The following PNPLA8 variants were observed in gnomAD, a reference collection of about 807,000 sequenced individuals.
The protein encoded by PNPLA8 is calcium-independent phospholipase A2-gamma.
Under a neutral mutation model 76.9 loss-of-function variants are expected in PNPLA8, and 39 were observed. The observed-to-expected ratio is 0.51, with a 90% CI of 0.39 to 0.66. The LOEUF is 0.66. Ranked by LOEUF, PNPLA8 falls within the 30% of genes least tolerant of loss-of-function variation. The pLI is 0.00. For missense variants in PNPLA8, 887 were observed against 918.0 expected (o/e 0.97, Z 0.44); for synonymous variants, 301 against 307.9 (o/e 0.98, Z 0.24).
chr7:108,500,458 T>C (rs1167539758), intron 5 of PNPLA8, among the ~76,000 whole-genome samples: 3 of 152,218 alleles, frequency 2.0e-5, no homozygotes, highest in Non-Finnish European at 4.4e-5. Context: ...CGAGCACTTC[T>C]GTATGGATAT....
chr7:108,511,465 A>C (rs1200220104), intron 4 of PNPLA8, among the ~76,000 whole-genome samples: 1 of 152,184 alleles, frequency 6.6e-6, no homozygotes, highest in Non-Finnish European at 1.5e-5. Context: ...TGTTTAACTC[A>C]ATCAAGCCAT....
At chr7:108,498,485 G>C (rs1441581339) in intron 5 of PNPLA8, among the ~76,000 whole-genome samples, 1 of 150,948 alleles carries the variant, frequency 6.6e-6, no homozygotes, top group Admixed American at 6.6e-5. Flanking sequence ...ATGTTAGCCA[G>C]GATGGTCTCG....
rs754777953 is a variant in PNPLA8, at chr7:108,514,614, C to G, written c.878G>C (p.Arg293Pro). ...TAAAGCTTGTACACCTTCCGTGGGA[C>G]GAGAAAGAAAGTTAGCAATACTTTG... ...TKQSIANFLS[R>P]PTEGVQALVG... Residue 293 changes from arginine (R) to proline (P), a missense_variant, in exon 3 of 11, where the codon CGT (arginine) becomes CCT (proline). Physicochemically the swap from Arg to Pro is moderately radical, Grantham distance 103 (BLOSUM62 -2). Transcript: ENST00000257694. 9 of 1,613,780 alleles carry G rather than the reference C, an allele frequency of 5.6e-6. No individual in the cohort carries two copies. The highest frequency in any genetic ancestry group is 5.9e-6 in the Non-Finnish European group (7 of 1,179,914).
At chr7:108,494,539 GA>G (rs1487911197) in intron 7 of PNPLA8, among the ~76,000 whole-genome samples, 7 of 152,294 alleles carry the variant, frequency 4.6e-5, no homozygotes, top group African/African-American at 1.2e-4. Flanking sequence ...CAAAGGACAT[GA>G]TTTTTTTTTA....
intron 4 of PNPLA8, among the ~76,000 whole-genome samples, chr7:108,504,034 G>T (rs779772848): frequency 8.5e-5 from 13 of 152,140 alleles, no homozygotes; most frequent in Non-Finnish European, 1.3e-4. Flanking sequence ...TGAGATGGTG[G>T]TTAAGTGAAC....
In PNPLA8 at chr7:108,502,485, C is replaced by T. The variant is rs748423059; in HGVS notation, c.1358+6G>A. The stretch of plus-strand genomic sequence containing the variant: ...AAAAAAAAAAGAATCATGTTCCTAG[C>T]CTTACCTTGTTCCTCCACCATCAAT... On this transcript the variant is annotated splice_donor_region_variant and intron_variant, in intron 5 of 10. Coordinates refer to ENST00000257694, the MANE Select transcript of PNPLA8 (RefSeq NM_001256007.3). 2 of 1,372,896 alleles carry T rather than the reference C, an allele frequency of 1.5e-6. No homozygotes were observed. The highest frequency in any genetic ancestry group is 1.2e-5 in the South Asian group (1 of 84,256). The allele number at this position is 1,372,896 out of a possible 1,614,324, so 85.0% of individuals were successfully genotyped here. A position where few individuals can be genotyped will look rare whatever the true frequency, so the allele number is the denominator to read the frequency against.
intron 2 of PNPLA8, among the ~76,000 whole-genome samples, chr7:108,516,481 C>T (rs1863351775): frequency 6.6e-6 from 1 of 152,116 alleles, no homozygotes; most frequent in Non-Finnish European, 1.5e-5. Context: ...ATGTAAAATG[C>T]AAATGTATAA....
At chr7:108,510,529 C>A in intron 4 of PNPLA8, 4 of 1,369,278 alleles carry the variant, frequency 2.9e-6, no homozygotes, top group South Asian at 2.3e-5. Context: ...GTATCAGTGG[C>A]GTGAGCCCAA....
At chr7:108,483,206 A>G (rs1354444544) in intron 9 of PNPLA8, among the ~76,000 whole-genome samples, 1 of 152,254 alleles carries the variant, frequency 6.6e-6, no homozygotes, top group Non-Finnish European at 1.5e-5. Flanking sequence ...AACACTTCCC[A>G]GAGAAAGTTA....
intron 9 of PNPLA8, among the ~76,000 whole-genome samples, chr7:108,483,155 G>A (rs1434957879): frequency 1.3e-5 from 2 of 152,130 alleles, no homozygotes; most frequent in African/African-American, 4.8e-5. Context: ...ATCACATTAG[G>A]AGGCAACTAT....
chr7:108,492,914 G>C (rs1267348314), intron 7 of PNPLA8, among the ~76,000 whole-genome samples: 2 of 152,144 alleles, frequency 1.3e-5, no homozygotes, highest in Non-Finnish European at 2.9e-5. Flanking sequence ...ATTAAACTGA[G>C]GCTTGATAAG....
At chr7:108,502,746 T>A in intron 4 of PNPLA8, 104 bp from the exon 5 acceptor site, 1 of 710,622 alleles carries the variant, frequency 1.4e-6, no homozygotes, top group Non-Finnish European at 2.3e-6. Flanking sequence ...ACAACCAAGG[T>A]GACAGTGTTC....
intron 10 of PNPLA8, among the ~76,000 whole-genome samples, chr7:108,477,118 G>A (rs1391146144): frequency 6.6e-6 from 1 of 152,224 alleles, no homozygotes; most frequent in East Asian, 1.9e-4. Context: ...AATTTGCTAC[G>A]GGAGTAAATC....
At chr7:108,526,720 G>A (rs1283909425), upstream of PNPLA8, among the ~76,000 whole-genome samples, 2 of 152,192 alleles carry the variant, frequency 1.3e-5, no homozygotes, top group Non-Finnish European at 2.9e-5. Context: ...TGTATTGGAA[G>A]TTAGCATAAA....
intron 9 of PNPLA8, among the ~76,000 whole-genome samples, chr7:108,484,607 C>T (rs531995923): frequency 2.6e-4 from 39 of 152,082 alleles, no homozygotes; most frequent in Non-Finnish European, 4.9e-4. Context: ...CTTCCTCATC[C>T]CATTTTCTAT....
intron 5 of PNPLA8, among the ~76,000 whole-genome samples, chr7:108,498,324 T>TGGCTCAGTG (rs1197290933): frequency 1.3e-5 from 2 of 151,862 alleles, no homozygotes; most frequent in Non-Finnish European, 2.9e-5. Flanking sequence ...TGGAGTGCAG[T>TGGCTCAGTG]GGCTCACTGG....
chr7:108,526,157 C>T, upstream of PNPLA8: 1 of 863,738 alleles, frequency 1.2e-6, no homozygotes, highest in Non-Finnish European at 1.4e-6. Flanking sequence ...TAGGTCGCCA[C>T]CCACTCAGCC....
At chr7:108,509,727 C>A (rs1386223841) in intron 4 of PNPLA8, among the ~76,000 whole-genome samples, 1 of 151,052 alleles carries the variant, frequency 6.6e-6, no homozygotes, top group African/African-American at 2.4e-5. Flanking sequence ...CACATGCACA[C>A]GTATGTTTAT....
At chr7:108,485,147 A>G (rs1268273180) in intron 9 of PNPLA8, among the ~76,000 whole-genome samples, 1 of 152,190 alleles carries the variant, frequency 6.6e-6, no homozygotes, top group Non-Finnish European at 1.5e-5. Flanking sequence ...AATTTATCAG[A>G]TTCTTTCTCC....
Sources: allele counts gnomAD v4.1 joint callset (sites outside exome capture counted in the v4.1 genomes callset), GRCh38; gene constraint gnomAD v4.1.1; transcripts MANE v1.5; gene names NCBI Gene and HGNC (gene_info 2026-07-23, HGNC 2026-07-21).